Variants in NBAS observed in about 807,000 individuals in gnomAD.
NBAS encodes the protein NBAS subunit of NRZ tethering complex.
In NBAS, 219 loss-of-function variants were observed where a neutral mutation model predicts 302.5. That is an observed-to-expected ratio of 0.72 (90% confidence interval 0.65 to 0.81). NBAS has a LOEUF of 0.81. NBAS is among the 30% of genes least tolerant of loss of function. NBAS has a pLI of 0.00. For synonymous variants in NBAS, 1,118 were observed against 1,021.6 expected (o/e 1.09, Z -1.80); for missense variants, 2,932 against 2,841.6 (o/e 1.03, Z -0.72).
chr2:15,134,827 G>A, the NBAS span, among the ~76,000 whole-genome samples: 4 of 152,294 alleles, frequency 2.6e-5, no homozygotes, highest in South Asian at 8.3e-4. Flanking sequence ...TAATTTGAGA[G>A]AATTTGCATG....
the NBAS span, among the ~76,000 whole-genome samples, chr2:15,078,629 C>A: frequency 7.2e-5 from 11 of 152,172 alleles, no homozygotes; most frequent in Non-Finnish European, 1.0e-4. Flanking sequence ...ATCTCTGAAC[C>A]TCCTGGATTG....
At chr2:15,053,679 A>G in the NBAS span, among the ~76,000 whole-genome samples, 1 of 151,974 alleles carries the variant, frequency 6.6e-6, no homozygotes, top group Non-Finnish European at 1.5e-5. Flanking sequence ...GGGTCCAGTT[A>G]TCAAAAAGAA....
intron 25 of NBAS, among the ~76,000 whole-genome samples, chr2:15,411,847 G>A (rs1459625167): frequency 6.6e-6 from 1 of 152,108 alleles, no homozygotes; most frequent in African/African-American, 2.4e-5. Flanking sequence ...TGGTTCTGAG[G>A]CACAGATACA....
the NBAS span, among the ~76,000 whole-genome samples, chr2:14,827,965 T>A: frequency 6.6e-6 from 1 of 152,190 alleles, no homozygotes; most frequent in East Asian, 1.9e-4. Context: ...AAAGACACTT[T>A]GAAATTTTTT....
At chr2:15,448,899 A>G (rs570753850) in intron 21 of NBAS, among the ~76,000 whole-genome samples, 19 of 152,336 alleles carry the variant, frequency 1.2e-4, no homozygotes, top group South Asian at 1.2e-3. Context: ...GAAATGTAGG[A>G]CCAAAAAGAA....
At chr2:15,312,191 G>A (rs753022293) in intron 38 of NBAS, among the ~76,000 whole-genome samples, 4 of 152,184 alleles carry the variant, frequency 2.6e-5, no homozygotes, top group South Asian at 4.1e-4. Context: ...ATTCTTCAAT[G>A]TGAGTATTCA....
chr2:14,922,987 C>G, the NBAS span, among the ~76,000 whole-genome samples: 1 of 152,042 alleles, frequency 6.6e-6, no homozygotes, highest in Non-Finnish European at 1.5e-5. Flanking sequence ...CCCGCCTCTA[C>G]TAAAAATACA....
chr2:15,289,813 C>T (rs867637804), intron 41 of NBAS, among the ~76,000 whole-genome samples: 8 of 152,106 alleles, frequency 5.3e-5, no homozygotes, highest in South Asian at 2.1e-4. Flanking sequence ...CTAGCTAATA[C>T]GGTGAAACCC....
intron 48 of NBAS, among the ~76,000 whole-genome samples, chr2:15,211,346 C>T (rs1441011909): frequency 3.3e-5 from 5 of 152,068 alleles, no homozygotes; most frequent in Non-Finnish European, 7.4e-5. Flanking sequence ...AGTGGGACAA[C>T]GAACAGTATT....
chr2:15,463,664 A>G (rs1679601054), intron 19 of NBAS, among the ~76,000 whole-genome samples: 1 of 151,910 alleles, frequency 6.6e-6, no homozygotes, highest in East Asian at 1.9e-4. Flanking sequence ...AGTCAAACCC[A>G]GCTATGATCC....
chr2:15,260,008 C>A (rs909159504), intron 44 of NBAS, among the ~76,000 whole-genome samples: 1 of 152,126 alleles, frequency 6.6e-6, no homozygotes, highest in Non-Finnish European at 1.5e-5. Flanking sequence ...AAAGATGCAA[C>A]CTTTCTGACA....
intron 42 of NBAS, among the ~76,000 whole-genome samples, chr2:15,282,820 C>T (rs1296854025): frequency 1.3e-5 from 2 of 152,206 alleles, no homozygotes; most frequent in Admixed American, 1.3e-4. Context: ...TTTGCTTACT[C>T]TGTCCCAGCC....
the NBAS span, among the ~76,000 whole-genome samples, chr2:15,000,739 G>A: frequency 3.3e-5 from 5 of 152,110 alleles, no homozygotes; most frequent in East Asian, 1.9e-4. Context: ...TGATGAGGAC[G>A]TTCTACAAAG....
At chr2:15,400,119 G>C (rs1289769676) in intron 26 of NBAS, among the ~76,000 whole-genome samples, 1 of 152,012 alleles carries the variant, frequency 6.6e-6, no homozygotes, top group East Asian at 1.9e-4. Flanking sequence ...TGCAACACGA[G>C]AGAGAGGCAA....
At chr2:14,986,719 A>G in the NBAS span, among the ~76,000 whole-genome samples, 402 of 152,236 alleles carry the variant, frequency 2.6e-3, 2 homozygotes, top group African/African-American at 8.8e-3. Flanking sequence ...TGTTTAGACA[A>G]TCAAGAATTC....
chr2:15,002,654 G>A, the NBAS span, among the ~76,000 whole-genome samples: 10 of 152,364 alleles, frequency 6.6e-5, no homozygotes, highest in South Asian at 2.1e-4. Flanking sequence ...CAGGCATGGC[G>A]GGCTGCAGGT....
At chr2:15,063,727 C>T in the NBAS span, among the ~76,000 whole-genome samples, 77,166 of 151,934 alleles carry the variant, frequency 0.51, 21,857 homozygotes, top group Non-Finnish European at 0.62. Flanking sequence ...AGAGAACAGG[C>T]CATGTGAGGA....
At position 15,468,538 on chromosome 2, in the gene NBAS, A is replaced by C; in HGVS notation, c.1726-5T>G. The C allele has an allele frequency of 6.2e-7, 1 of 1,613,726 alleles. No homozygotes were observed. Among genetic ancestry groups the C allele is most frequent in the Middle Eastern group, 1.7e-4 (1 of 6,060 alleles). On this transcript the variant is annotated splice_region_variant and splice_polypyrimidine_tract_variant and intron_variant, in intron 16 of 51. Coordinates refer to ENST00000281513, the MANE Select transcript of NBAS (RefSeq NM_015909.4). The stretch of plus-strand genomic sequence containing the variant: ...GGATCGCTTCTTTATTTTACTCTGC[A>C]TATAAAGGAAGAAACAGAGGAATTA...
At chr2:15,098,066 ATTATATTGTATATATTATATTGT>A in the NBAS span, among the ~76,000 whole-genome samples, 15 of 34 alleles carry the variant, frequency 0.44, 7 homozygotes, top group Admixed American at 1. Context: ...TATTGTATAT[ATTATATTGTATATATTATATTGT>A]ATACAATATA....
Sources: gnomAD v4.1 joint callset for allele counts (sites outside exome capture counted in the v4.1 genomes callset) on GRCh38, gnomAD v4.1.1 for gene constraint, MANE v1.5 for transcripts, NCBI Gene and HGNC (gene_info 2026-07-23, HGNC 2026-07-21) for gene names.